OR1J2: variants seen among roughly 807,000 people sequenced by gnomAD.
OR1J2 encodes the protein olfactory receptor family 1 subfamily J member 2, also known as olfactory receptor 1J2.
For missense variants in OR1J2, 304 were observed against 246.1 expected, an observed-to-expected ratio of 1.24 and a Z score of -1.57; for synonymous variants, 142 against 99.7, an observed-to-expected ratio of 1.42 and a Z score of -2.52.
At chr9:122,526,468 A>G in the OR1J2 span, 2 of 1,564,390 alleles carry the variant, frequency 1.3e-6, no homozygotes, top group Admixed American at 1.8e-5. Flanking sequence ...ACTATGGTGT[A>G]CATTGCAGCT....
the OR1J2 span, among the ~76,000 whole-genome samples, chr9:122,569,540 T>TTTTTTTTGC: frequency 6.6e-6 from 1 of 152,114 alleles, no homozygotes; most frequent in Non-Finnish European, 1.5e-5. Flanking sequence ...ACCTTGTGAA[T>TTTTTTTTGC]AGGCATATTA....
the OR1J2 span, among the ~76,000 whole-genome samples, chr9:122,478,426 G>A: frequency 2.0e-5 from 3 of 152,144 alleles, no homozygotes; most frequent in African/African-American, 7.2e-5. Flanking sequence ...CTTATTTTGT[G>A]TGCAATGACC....
chr9:122,519,456 T>A, the OR1J2 span: 44 of 1,614,042 alleles, frequency 2.7e-5, no homozygotes, highest in Non-Finnish European at 3.5e-5. Context: ...TTTTTTCATA[T>A]TTTTCACTGA....
At chr9:122,563,460 GT>G in the OR1J2 span, among the ~76,000 whole-genome samples, 1 of 151,916 alleles carries the variant, frequency 6.6e-6, no homozygotes, top group Admixed American at 6.6e-5. Flanking sequence ...TCATTTATTT[GT>G]TTTTTTGTTG....
the OR1J2 span, among the ~76,000 whole-genome samples, chr9:122,455,950 A>C: frequency 1.3e-5 from 2 of 152,180 alleles, no homozygotes; most frequent in Non-Finnish European, 2.9e-5. Context: ...TGAAGAGACT[A>C]TTCTTTCTCC....
At chr9:122,570,701 G>GATAT in the OR1J2 span, among the ~76,000 whole-genome samples, 1 of 152,070 alleles carries the variant, frequency 6.6e-6, no homozygotes, top group South Asian at 2.1e-4. Flanking sequence ...TATCTCACAT[G>GATAT]CTTAAAATAT....
At chr9:122,450,158 G>T in the OR1J2 span, among the ~76,000 whole-genome samples, 3 of 152,048 alleles carry the variant, frequency 2.0e-5, no homozygotes, top group Admixed American at 6.6e-5. Context: ...GGCCGTGCAT[G>T]GTGGCTCATG....
At chr9:122,547,245 C>T in the OR1J2 span, among the ~76,000 whole-genome samples, 1 of 151,838 alleles carries the variant, frequency 6.6e-6, no homozygotes, top group Non-Finnish European at 1.5e-5. Context: ...AACACCCCAG[C>T]GAAAAGGGCA....
At chr9:122,477,375 C>T in the OR1J2 span, 2 of 1,614,002 alleles carry the variant, frequency 1.2e-6, no homozygotes, top group Non-Finnish European at 1.7e-6. Context: ...ACAACTTGAG[C>T]AGGGCACCAA....
chr9:122,514,513 G>C (rs530460871), downstream of OR1J2, among the ~76,000 whole-genome samples: 3 of 152,108 alleles, frequency 2.0e-5, no homozygotes, highest in Non-Finnish European at 4.4e-5. Context: ...TCTTTATCCA[G>C]TGCACCATTG....
At chr9:122,519,163 G>A in the OR1J2 span, 1 of 1,608,244 alleles carries the variant, frequency 6.2e-7, no homozygotes, top group Non-Finnish European at 8.5e-7. Context: ...AATCAGAGCA[G>A]TGTGTCTGAG....
chr9:122,554,489 A>G, the OR1J2 span, among the ~76,000 whole-genome samples: 1 of 152,186 alleles, frequency 6.6e-6, no homozygotes, highest in Non-Finnish European at 1.5e-5. Context: ...ATTCTACCCC[A>G]GCAAGGCAGG....
chr9:122,493,675 TG>T, the OR1J2 span, among the ~76,000 whole-genome samples: 1 of 152,070 alleles, frequency 6.6e-6, no homozygotes, highest in Non-Finnish European at 1.5e-5. Flanking sequence ...TCTTTTGTAT[TG>T]TTTTTTGTTT....
the OR1J2 span, among the ~76,000 whole-genome samples, chr9:122,547,369 G>T: frequency 2.0e-5 from 3 of 152,058 alleles, no homozygotes; most frequent in Non-Finnish European, 4.4e-5. Flanking sequence ...TATTTTATTT[G>T]TTATATACTG....
the OR1J2 span, chr9:122,527,172 A>G: frequency 6.2e-7 from 1 of 1,614,210 alleles, no homozygotes; most frequent in Non-Finnish European, 8.5e-7. Flanking sequence ...GATGATGAGC[A>G]GGTTCCCAGT....
the OR1J2 span, among the ~76,000 whole-genome samples, chr9:122,575,099 C>A: frequency 6.6e-6 from 1 of 152,112 alleles, no homozygotes; most frequent in Non-Finnish European, 1.5e-5. Flanking sequence ...ATTCAATTTG[C>A]AAACATTTTG....
At chr9:122,542,606 C>T in the OR1J2 span, among the ~76,000 whole-genome samples, 1 of 152,166 alleles carries the variant, frequency 6.6e-6, no homozygotes, top group Non-Finnish European at 1.5e-5. Context: ...ACCTTTAAAA[C>T]TTTATTATAC....
chr9:122,501,828 G>GA, the OR1J2 span, among the ~76,000 whole-genome samples: 1 of 152,174 alleles, frequency 6.6e-6, no homozygotes, highest in African/African-American at 2.4e-5. Context: ...AGAATCAAAG[G>GA]AAACAGCAAT....
the OR1J2 span, chr9:122,553,427 T>C: frequency 6.2e-6 from 10 of 1,614,196 alleles, no homozygotes; most frequent in Non-Finnish European, 8.5e-6. Context: ...TGTCATTAAC[T>C]GATGCCTGTT....
Sources: gnomAD v4.1 joint callset for allele counts (sites outside exome capture counted in the v4.1 genomes callset) on GRCh38, gnomAD v4.1.1 for gene constraint, MANE v1.5 for transcripts, NCBI Gene and HGNC (gene_info 2026-07-23, HGNC 2026-07-21) for gene names.